Variants in SEMA5A observed in about 807,000 individuals in gnomAD.
The protein encoded by SEMA5A is semaphorin-5A.
In SEMA5A, 55 loss-of-function variants were observed where a neutral mutation model predicts 135.5. The observed-to-expected ratio is 0.41, with a 90% CI of 0.33 to 0.51. The LOEUF is 0.51. Ranked by LOEUF, SEMA5A falls within the 20% of genes least tolerant of loss-of-function variation. The pLI is 0.37. For synonymous variants in SEMA5A, 580 were observed against 546.5 expected, an observed-to-expected ratio of 1.06 and a Z score of -0.85; for missense variants, 1,290 against 1,419.9, an observed-to-expected ratio of 0.91 and a Z score of 1.47.
At chr5:9,230,806 T>C (rs964776037) in intron 6 of SEMA5A, among the ~76,000 whole-genome samples, 1 of 152,166 alleles carries the variant, frequency 6.6e-6, no homozygotes, top group Non-Finnish European at 1.5e-5. Flanking sequence ...GTCTGAGTTA[T>C]CACCAATAAC....
chr5:9,408,653 C>T (rs56255564), intron 2 of SEMA5A, among the ~76,000 whole-genome samples: 30,756 of 151,996 alleles, frequency 0.2, 3,882 homozygotes, highest in Non-Finnish European at 0.29. Flanking sequence ...CACAACACAA[C>T]GGTTACTATT....
chr5:9,354,576 G>C (rs1002253949), intron 3 of SEMA5A, among the ~76,000 whole-genome samples: 1 of 152,088 alleles, frequency 6.6e-6, no homozygotes, highest in Non-Finnish European at 1.5e-5. Context: ...TCAAGCCTTC[G>C]GGCAGCAAAC....
chr5:9,443,828 C>A lies in SEMA5A; in HGVS notation c.-174-5976G>T, dbSNP rs561541323. Reference sequence around the variant, plus strand: ...TGCCAGCTACCACCACATTCCTGGGCAAATATTCCAGCATTCAAGGAAACA... The same window carrying A: ...TGCCAGCTACCACCACATTCCTGGGAAAATATTCCAGCATTCAAGGAAACA... On this transcript the variant is annotated intron_variant, in intron 1 of 22. Coordinates refer to ENST00000382496, the MANE Select transcript of SEMA5A (RefSeq NM_003966.3). Among the ~76,000 whole-genome samples the A allele has an allele frequency of 1.2e-3, 177 of 152,348 alleles. 1 individual carries two copies. Among genetic ancestry groups the A allele is most frequent in the Middle Eastern group, 0.01 (3 of 294 alleles).
rs70943964 is a variant in SEMA5A at position 9,428,122 on chromosome 5, CTCTATCTA to C, written c.-78+9626_-78+9633del. Among the ~76,000 whole-genome samples the C allele has an allele frequency of 7.4e-3, 1,008 of 135,748 alleles. 7 individuals are homozygous for C. The highest frequency in any genetic ancestry group is 9.3e-3 in the Non-Finnish European group (597 of 64,536). The allele number at this position is 135,748 out of a possible 152,430, so 89.1% of individuals were successfully genotyped here. ...TATATATATATATATATATATTCAA[CTCTATCTA>C]TCTATCTATCTATCTATCTATCTAT... On this transcript the variant is annotated intron_variant, in intron 2 of 22. Coordinates refer to ENST00000382496, the MANE Select transcript of SEMA5A (RefSeq NM_003966.3).
intron 12 of SEMA5A, among the ~76,000 whole-genome samples, chr5:9,151,844 A>G (rs1184541027): frequency 6.6e-6 from 1 of 152,242 alleles, no homozygotes; most frequent in Non-Finnish European, 1.5e-5. Flanking sequence ...AGCTCCAGCT[A>G]TAAATGTCAA....
At chr5:9,221,249 C>A (rs115352547) in intron 8 of SEMA5A, among the ~76,000 whole-genome samples, 2 of 149,640 alleles carry the variant, frequency 1.3e-5, no homozygotes, top group South Asian at 2.1e-4. Context: ...TAGCTTGTTG[C>A]GGTTTCTTTG....
chr5:9,506,628 T>G (rs1040034064), intron 1 of SEMA5A, among the ~76,000 whole-genome samples: 2 of 152,356 alleles, frequency 1.3e-5, no homozygotes, highest in African/African-American at 4.8e-5. Context: ...AATCTCAGTA[T>G]GGCTTCAATG....
chr5:9,210,463 G>T (rs1014409456), intron 8 of SEMA5A, among the ~76,000 whole-genome samples: 5 of 152,166 alleles, frequency 3.3e-5, no homozygotes, highest in African/African-American at 1.2e-4. Context: ...CACCATGTAT[G>T]CAAGGCTACA....
chr5:9,482,323 A>G (rs1759908857), intron 1 of SEMA5A, among the ~76,000 whole-genome samples: 1 of 152,226 alleles, frequency 6.6e-6, no homozygotes, highest in South Asian at 2.1e-4. Context: ...CTGAGATCAG[A>G]GGAACTGGAG....
chr5:9,221,522 T>A (rs1384199623), intron 8 of SEMA5A, among the ~76,000 whole-genome samples: 1 of 151,884 alleles, frequency 6.6e-6, no homozygotes, highest in South Asian at 2.1e-4. Flanking sequence ...CAGGATGGTC[T>A]CGATCTCCTG....
At chr5:9,172,894 G>A (rs1012463440) in intron 11 of SEMA5A, among the ~76,000 whole-genome samples, 4 of 152,112 alleles carry the variant, frequency 2.6e-5, no homozygotes, top group African/African-American at 9.7e-5. Flanking sequence ...TTGAAACACA[G>A]TGGTTATAGG....
At chr5:9,475,975 T>G (rs1285228723) in intron 1 of SEMA5A, among the ~76,000 whole-genome samples, 2 of 152,240 alleles carry the variant, frequency 1.3e-5, no homozygotes, top group African/African-American at 4.8e-5. Context: ...CTTCGAAACA[T>G]ATCCATGCAT....
chr5:9,082,145 T>C (rs1376497858), intron 16 of SEMA5A, among the ~76,000 whole-genome samples: 1 of 152,226 alleles, frequency 6.6e-6, no homozygotes, highest in African/African-American at 2.4e-5. Context: ...CATTGTTGTA[T>C]GACAGATTCT....
At chr5:9,295,823 C>A (rs150521988) in intron 5 of SEMA5A, among the ~76,000 whole-genome samples, 177 of 152,274 alleles carry the variant, frequency 1.2e-3, no homozygotes, top group Non-Finnish European at 1.5e-3. Flanking sequence ...TCATTATATG[C>A]ATAAGATTTA....
At chr5:9,471,459 G>A (rs149253032) in intron 1 of SEMA5A, among the ~76,000 whole-genome samples, 38 of 152,180 alleles carry the variant, frequency 2.5e-4, no homozygotes, top group African/African-American at 8.7e-4. Flanking sequence ...AGAATGGTGT[G>A]GCCCTTCCTA....
Position 9,224,891 on chromosome 5 carries a change from T to TG in SEMA5A, c.433-5dup, listed in dbSNP as rs766810145. 10 of 1,609,726 alleles carry TG rather than the reference T, an allele frequency of 6.2e-6. No individual in the cohort carries two copies. On this transcript the variant is annotated splice_region_variant and splice_polypyrimidine_tract_variant and intron_variant, in intron 7 of 22. Transcript: ENST00000382496. ...GGATCTCAGTCAGGTTGCTCAACTG[T>TG]GGGGGAGGATGAGAGGGAAAGCAGT...
At chr5:9,183,675 T>C (rs1282150401) in intron 11 of SEMA5A, among the ~76,000 whole-genome samples, 1 of 152,188 alleles carries the variant, frequency 6.6e-6, no homozygotes, top group Non-Finnish European at 1.5e-5. Context: ...TTATGCTCCA[T>C]TGCACCCCAG....
In SEMA5A at chr5:9,285,884, G is replaced by A. The variant is rs1490703545; in HGVS notation, c.270+32488C>T. ...TAATTTATTGTCTATTTCAAAATAC[G>A]CAGAAAAATAGATTTATAATGTTTC... On this transcript the variant is annotated intron_variant, in intron 5 of 22. Coordinates refer to ENST00000382496, the MANE Select transcript of SEMA5A (RefSeq NM_003966.3). Among the ~76,000 whole-genome samples the A allele has an allele frequency of 1.2e-4, 18 of 152,272 alleles. No individual in the cohort carries two copies. The South Asian group carries it at 3.3e-3, about 28-fold the overall frequency.
At chr5:9,540,523 G>A (rs1299629871) in intron 1 of SEMA5A, among the ~76,000 whole-genome samples, 1 of 152,086 alleles carries the variant, frequency 6.6e-6, no homozygotes, top group Non-Finnish European at 1.5e-5. Context: ...CTTAAACCTA[G>A]GAGGCAGAGG....
Sources: allele counts gnomAD v4.1 joint callset (sites outside exome capture counted in the v4.1 genomes callset), GRCh38; gene constraint gnomAD v4.1.1; transcripts MANE v1.5; gene names NCBI Gene and HGNC (gene_info 2026-07-23, HGNC 2026-07-21).